The following BIK variants were observed in gnomAD, a reference collection of about 807,000 sequenced individuals.
BIK encodes the protein BCL2 interacting killer.
A neutral mutation model predicts 12.1 loss-of-function variants in BIK; 14 were observed. The ratio of observed to expected loss-of-function variants is 1.16; its 90% CI spans 0.77 to 1.81. The LOEUF (loss-of-function observed/expected upper bound fraction) is 1.81, where lower values mean the gene tolerates loss of function less well. Among genes scored for constraint, BIK ranks in the 40% most tolerant of loss-of-function variants. BIK has a pLI of 0.00. For synonymous variants in BIK, 86 were observed against 92.3 expected, an observed-to-expected ratio of 0.93 and a Z score of 0.39; for missense variants, 215 against 207.9, an observed-to-expected ratio of 1.03 and a Z score of -0.21.
intron 1 of BIK, among the ~76,000 whole-genome samples, chr22:43,111,650 G>A (rs1036343590): frequency 1.3e-5 from 2 of 152,176 alleles, no homozygotes; most frequent in African/African-American, 4.8e-5. Flanking sequence ...AGCCACTCGT[G>A]GGGTAGGACG....
At position 43,116,241 on chromosome 22, in the gene BIK, T is replaced by C. The variant is rs187978649; in HGVS notation, c.-8+5438T>C. On this transcript the variant is annotated intron_variant, in intron 1 of 4. Transcript: ENST00000216115. ...TCCTCTACGGTTAGGATTATTTTTA[T>C]AGGTGTTCGAACAGGAAAGGACATA... Among the ~76,000 whole-genome samples, 24 of 152,264 alleles carry C rather than the reference T, an allele frequency of 1.6e-4. No homozygotes were observed. In the East Asian group the frequency reaches 4.1e-3, roughly 26 times the overall value.
chr22:43,116,250 G>A (rs1046516165), intron 1 of BIK, among the ~76,000 whole-genome samples: 7 of 152,072 alleles, frequency 4.6e-5, no homozygotes, highest in South Asian at 2.1e-4. Context: ...ATAGGTGTTC[G>A]AACAGGAAAG....
chr22:43,125,018 T>C (rs1462823385), intron 2 of BIK, among the ~76,000 whole-genome samples: 1 of 152,154 alleles, frequency 6.6e-6, no homozygotes, highest in East Asian at 1.9e-4. Flanking sequence ...GGGTAAGGGG[T>C]GGGCAGTTCC....
At chr22:43,118,765 G>A (rs900230834) in intron 1 of BIK, among the ~76,000 whole-genome samples, 15 of 152,096 alleles carry the variant, frequency 9.9e-5, no homozygotes, top group Non-Finnish European at 4.4e-5. Flanking sequence ...TGACAGGACT[G>A]GGCGAGGTCA....
Position 43,129,481 on chromosome 22 carries a change from TATTCCAGTTTTCG to T in BIK, c.*177_*189del. 1 of 1,124,012 alleles carries T rather than the reference TATTCCAGTTTTCG, an allele frequency of 8.9e-7. No individual in the cohort carries two copies. The allele number at this position is 1,124,012 out of a possible 1,614,324, so 69.6% of individuals were successfully genotyped here. ...ATACTCAGGTTTTTTGTTTTTTTTT[TATTCCAGTTTTCG>T]TTTTTTCTAAAAGATGAATTCCTAT... On this transcript the variant is annotated 3_prime_UTR_variant, in exon 5 of 5. Transcript: ENST00000216115.
At chr22:43,126,490 A>G (rs1228318092) in intron 2 of BIK, among the ~76,000 whole-genome samples, 1 of 152,144 alleles carries the variant, frequency 6.6e-6, no homozygotes, top group African/African-American at 2.4e-5. Flanking sequence ...CCCGGCCAGG[A>G]CTGGCACTTT....
chr22:43,121,650 AAG>A (rs998085531), intron 1 of BIK, among the ~76,000 whole-genome samples: 35 of 152,144 alleles, frequency 2.3e-4, no homozygotes, highest in African/African-American at 8.4e-4. Flanking sequence ...GGGGAAGGGA[AAG>A]GGGGGAAAAG....
At position 43,129,675 on chromosome 22, in the gene BIK, A is replaced by C. The variant is rs2147027957; in HGVS notation, c.*370A>C. 2.0e-5 allele frequency: 5 copies of C among 254,138 alleles called. 1 individual carries two copies. The South Asian group carries it at 3.0e-4, about 15-fold the overall frequency. 15.7% of individuals were successfully genotyped at this position (254,138 alleles called of 1,614,324 possible). On this transcript the variant is annotated 3_prime_UTR_variant, in exon 5 of 5. Transcript: ENST00000216115. ...AAAGAATCTACTGGAATAGATTCCG[A>C]GGAGCAGGAGTGCTCAATAAAATGT...
intron 2 of BIK, among the ~76,000 whole-genome samples, 197 bp downstream of exon 2, chr22:43,124,380 A>G (rs1388635621): frequency 6.6e-6 from 1 of 152,080 alleles, no homozygotes; most frequent in Non-Finnish European, 1.5e-5. Flanking sequence ...CCCTCCCCTG[A>G]TACCAGCTCA....
intron 1 of BIK, among the ~76,000 whole-genome samples, chr22:43,114,073 G>T (rs548986047): frequency 1.3e-5 from 2 of 152,172 alleles, no homozygotes; most frequent in Non-Finnish European, 2.9e-5. Flanking sequence ...GGCAGGAGAG[G>T]GGCGGGCACA....
chr22:43,119,869 C>T (rs1930186251), intron 1 of BIK, among the ~76,000 whole-genome samples: 1 of 152,170 alleles, frequency 6.6e-6, no homozygotes, highest in Non-Finnish European at 1.5e-5. Context: ...ACCCTGGAGG[C>T]TGAGGTGGGA....
chr22:43,119,526 G>C (rs1014230606), intron 1 of BIK, among the ~76,000 whole-genome samples: 1 of 152,050 alleles, frequency 6.6e-6, no homozygotes, highest in South Asian at 2.1e-4. Context: ...CTGTGCAATA[G>C]GTGTTACTAG....
At position 43,124,037 on chromosome 22, in the gene BIK, A is replaced by T. The variant is rs1354292945; in HGVS notation, c.15A>T (p.Arg5Ser). The T allele has an allele frequency of 1.2e-6, 2 of 1,613,550 alleles. No homozygotes were observed. Among genetic ancestry groups the T allele is most frequent in the East Asian group, 2.2e-5 (1 of 44,874 alleles). ...CCAGAGGAGAAATGTCTGAAGTAAG[A>T]CCCCTCTCCAGAGACATCTTGATGG... MSEV[R>S]PLSRDILMET... The change falls in exon 2 of 5, where the codon AGA becomes AGT. Residue 5 changes from arginine to serine, a missense_variant. By Grantham distance (110) the Arg-to-Ser change is moderately radical. Coordinates refer to ENST00000216115, the MANE Select transcript of BIK (RefSeq NM_001197.5).
At chr22:43,121,106 C>T (rs1022638580) in intron 1 of BIK, among the ~76,000 whole-genome samples, 4 of 152,034 alleles carry the variant, frequency 2.6e-5, no homozygotes, top group African/African-American at 4.8e-5. Flanking sequence ...ACCTGGGAGG[C>T]GGAGGTTGCA....
chr22:43,127,900 G>C, intron 3 of BIK, 105 bp downstream of exon 3: 1 of 1,092,768 alleles, frequency 9.2e-7, no homozygotes, highest in Non-Finnish European at 1.2e-6. Context: ...AGCTCTGTGG[G>C]GGATGTGCCT....
chr22:43,115,755 G>A (rs781049606), intron 1 of BIK, among the ~76,000 whole-genome samples: 3 of 151,936 alleles, frequency 2.0e-5, no homozygotes, highest in Non-Finnish European at 4.4e-5. Flanking sequence ...GAGCCACCGC[G>A]TCTGGCCTAT....
At chr22:43,114,723 T>A (rs1041336969) in intron 1 of BIK, among the ~76,000 whole-genome samples, 1 of 152,192 alleles carries the variant, frequency 6.6e-6, no homozygotes, top group Non-Finnish European at 1.5e-5. Flanking sequence ...CAATGGCGCA[T>A]CATGAAGATA....
chr22:43,129,283 G>T lies in BIK; in HGVS notation c.461G>T (p.Gly154Val). The change falls in exon 5 of 5, where the codon GGC becomes GTC. Residue 154 changes from glycine to valine, a missense_variant. Gly to Val is a moderately radical substitution (Grantham distance 109, BLOSUM62 -3). Transcript: ENST00000216115. ...CTGCTGCTGCCGCTGCTCAGCGGGG[G>T]CCTGCACCTGCTGCTCAAGTGAGGC... ...LALLLPLLSG[G>V]LHLLLK 6.2e-7 allele frequency: 1 copy of T among 1,600,162 alleles called. No homozygotes were observed. The highest frequency in any genetic ancestry group is 1.1e-5 in the South Asian group (1 of 90,868).
intron 1 of BIK, among the ~76,000 whole-genome samples, chr22:43,123,584 T>C (rs1276378194): frequency 6.6e-6 from 1 of 152,078 alleles, no homozygotes; most frequent in Non-Finnish European, 1.5e-5. Flanking sequence ...AACCCCCGTC[T>C]TTACTAAAAA....
Sources: gnomAD v4.1 joint callset for allele counts (sites outside exome capture counted in the v4.1 genomes callset) on GRCh38, gnomAD v4.1.1 for gene constraint, MANE v1.5 for transcripts, NCBI Gene and HGNC (gene_info 2026-07-23, HGNC 2026-07-21) for gene names.